RFX7: variants seen among roughly 807,000 people sequenced by gnomAD.
RFX7 encodes the protein DNA-binding protein RFX7.
RFX7 carries 26 observed loss-of-function variants against 111.8 expected under a neutral mutation model. The observed-to-expected ratio is 0.23, with a 90% CI of 0.17 to 0.32. The LOEUF (loss-of-function observed/expected upper bound fraction) is 0.32. Ranked by LOEUF, RFX7 falls within the 10% of genes least tolerant of loss-of-function variation. RFX7 has a pLI of 1.00. For missense variants in RFX7, 1,573 were observed against 1,772.9 expected (o/e 0.89, Z 2.02); for synonymous variants, 624 against 624.4 (o/e 1.00, Z 0.01).
intron 2 of RFX7, among the ~76,000 whole-genome samples, chr15:56,224,301 AAAGT>A (rs1197178004): frequency 4.6e-5 from 7 of 152,186 alleles, no homozygotes; most frequent in Admixed American, 2.0e-4. Context: ...AAGCAATTTT[AAAGT>A]AAGTATTTTT....
At chr15:56,167,649 TAAC>T (rs1162572951) in intron 3 of RFX7, among the ~76,000 whole-genome samples, 1 of 152,174 alleles carries the variant, frequency 6.6e-6, no homozygotes, top group Non-Finnish European at 1.5e-5. Flanking sequence ...ACTAAAACAT[TAAC>T]AAAAAAATCT....
At position 56,224,467 on chromosome 15, in the gene RFX7, T is replaced by TTGTGTGTGTGTGTGTGTGTG. The variant is rs58795247; in HGVS notation, c.161+18638_161+18657dup. Among the ~76,000 whole-genome samples, 1,241 of 147,286 alleles carry TTGTGTGTGTGTGTGTGTGTG rather than the reference T, an allele frequency of 8.4e-3. 26 individuals carry two copies. The highest frequency in any genetic ancestry group is 0.084 in the East Asian group (413 of 4,938). On this transcript the variant is annotated intron_variant, in intron 2 of 9. Coordinates refer to ENST00000559447, the MANE Select transcript of RFX7 (RefSeq NM_022841.7). ...ACTCTCTTTTGCCAAGATTAGGATT[T>TTGTGTGTGTGTGTGTGTGTG]TGTGTGTGTGTGTGTGTGTGTGTGT...
intron 3 of RFX7, among the ~76,000 whole-genome samples, chr15:56,177,416 C>CA (rs1250090853): frequency 6.6e-6 from 1 of 152,070 alleles, no homozygotes; most frequent in Non-Finnish European, 1.5e-5. Flanking sequence ...CTACCTCACC[C>CA]AATAAAATAA....
chr15:56,229,792 G>A (rs1456502646), intron 2 of RFX7, among the ~76,000 whole-genome samples: 2 of 152,120 alleles, frequency 1.3e-5, no homozygotes, highest in African/African-American at 4.8e-5. Context: ...CAATTTTAAA[G>A]CTGAAAGGGT....
chr15:56,134,667 G>C (rs1383812953), intron 5 of RFX7, among the ~76,000 whole-genome samples: 1 of 122,514 alleles, frequency 8.2e-6, no homozygotes, highest in Non-Finnish European at 1.6e-5. Context: ...TGTGCACATT[G>C]TGCAGGTTAC....
chr15:56,098,301 G>A lies in RFX7; in HGVS notation c.887C>T (p.Thr296Ile). 6.2e-7 allele frequency: 1 copy of A among 1,613,750 alleles called. No homozygotes were observed. Residue 296 changes from threonine (T) to isoleucine (I), a missense_variant, in exon 9 of 10, where the codon ACT (threonine) becomes ATT (isoleucine). Thr to Ile is a moderately conservative substitution (Grantham distance 89). This residue lies in a region of RFX7 where 288 missense variants were observed against 337.9 expected (regional missense o/e 0.85). Coordinates refer to ENST00000559447, the MANE Select transcript of RFX7 (RefSeq NM_022841.7). The stretch of plus-strand genomic sequence containing the variant: ...TTTAGCATCAATTGGAGATGGCAAA[G>A]TCTTCACCTGAGGCTGAAAGGAATT... ...ESNSFQPQVK[T>I]LPSPIDAKQQ...
intron 3 of RFX7, among the ~76,000 whole-genome samples, chr15:56,174,346 T>C (rs1214642030): frequency 2.6e-5 from 4 of 152,164 alleles, no homozygotes; most frequent in Admixed American, 6.5e-5. Context: ...GAAAATTTAT[T>C]AGATGGGATT....
At chr15:56,118,667 T>C (rs985055949) in intron 5 of RFX7, among the ~76,000 whole-genome samples, 2 of 152,224 alleles carry the variant, frequency 1.3e-5, no homozygotes, top group African/African-American at 2.4e-5. Flanking sequence ...GGAGTGCAGA[T>C]ATCTCTTTGA....
intron 2 of RFX7, among the ~76,000 whole-genome samples, chr15:56,240,106 CTTTT>C (rs71441432): frequency 1.4e-5 from 2 of 137,956 alleles, no homozygotes; most frequent in Non-Finnish European, 1.5e-5. Context: ...TACTAGTTTT[CTTTT>C]TTTTTTTTTA....
chr15:56,207,661 A>G (rs7171643), intron 2 of RFX7, among the ~76,000 whole-genome samples: 5,578 of 152,242 alleles, frequency 0.037, 361 homozygotes, highest in African/African-American at 0.12. Flanking sequence ...AAAACTGATA[A>G]ATTGGACTTG....
Position 56,101,551 on chromosome 15 carries a change from G to T in RFX7, c.619C>A (p.Pro207Thr). ...TCAATATTTTGAAGCTGCCCAGAAG[G>T]TTCAGCTCCTTCCAACTAGGCAAAG... ...KTGDGLEGAE[P>T]SGQLQNIDEE... The change falls in exon 8 of 10, where the codon CCT (proline) becomes ACT (threonine). Residue 207 changes from proline to threonine, a missense_variant. Pro to Thr is a conservative substitution (Grantham distance 38). Transcript: ENST00000559447. 6.2e-7 allele frequency: 1 copy of T among 1,613,576 alleles called. No individual in the cohort carries two copies. The highest frequency in any genetic ancestry group is 2.2e-5 in the East Asian group (1 of 44,874).
chr15:56,122,298 G>T (rs2042089063), intron 5 of RFX7, among the ~76,000 whole-genome samples: 1 of 152,126 alleles, frequency 6.6e-6, no homozygotes, highest in Non-Finnish European at 1.5e-5. Flanking sequence ...CACCTTGATG[G>T]TGTTGGATAA....
At chr15:56,244,605 A>G (rs2043797549), upstream of RFX7, among the ~76,000 whole-genome samples, 1 of 120,140 alleles carries the variant, frequency 8.3e-6, no homozygotes, top group Admixed American at 9.4e-5. Flanking sequence ...CTTTCCAGGA[A>G]TGCCCTCCCT....
chr15:56,103,423 A>G (rs1445041480), intron 6 of RFX7, 131 bp downstream of exon 6: 1 of 595,840 alleles, frequency 1.7e-6, no homozygotes, highest in African/African-American at 1.9e-5. Flanking sequence ...CAATTATTCT[A>G]CTTAAGCTTT....
Position 56,166,999 on chromosome 15 carries a change from T to C in RFX7, c.195+12271A>G, listed in dbSNP as rs376794899. On this transcript the variant is annotated intron_variant, in intron 3 of 9. Transcript: ENST00000559447. ...CTGGATTACTATTTCCCATCCTCCTTTGGTTGACTCTCAGCAGACTAGGCC... is the reference window on the plus strand; with the variant it reads ...CTGGATTACTATTTCCCATCCTCCTCTGGTTGACTCTCAGCAGACTAGGCC... Among the ~76,000 whole-genome samples, 8 of 152,274 alleles carry C rather than the reference T, an allele frequency of 5.3e-5. No individual in the cohort carries two copies. The South Asian group carries it at 1.2e-3, about 24-fold the overall frequency.
intron 2 of RFX7, among the ~76,000 whole-genome samples, chr15:56,214,714 C>CA (rs527416979): frequency 0.032 from 2,743 of 86,684 alleles, 84 homozygotes; most frequent in African/African-American, 0.1. Context: ...GACTCTGTCT[C>CA]AAAAAAAAAA....
chr15:56,176,069 C>A (rs1476543541), intron 3 of RFX7, among the ~76,000 whole-genome samples: 1 of 152,030 alleles, frequency 6.6e-6, no homozygotes, highest in South Asian at 2.1e-4. Flanking sequence ...TGTGTTTAAA[C>A]ACGCAAAGAA....
chr15:56,232,964 A>T (rs1024582293), intron 2 of RFX7, among the ~76,000 whole-genome samples: 1 of 152,180 alleles, frequency 6.6e-6, no homozygotes, highest in Non-Finnish European at 1.5e-5. Flanking sequence ...AAACTTTCTC[A>T]CATTTTCCTA....
intron 6 of RFX7, among the ~76,000 whole-genome samples, 159 bp from the exon 7 acceptor site, chr15:56,102,412 T>A (rs1310070218): frequency 6.6e-6 from 1 of 152,210 alleles, no homozygotes; most frequent in Non-Finnish European, 1.5e-5. Context: ...TATTAAAAAC[T>A]TGGGACACTT....
Sources: allele counts gnomAD v4.1 joint callset (sites outside exome capture counted in the v4.1 genomes callset), GRCh38; gene constraint gnomAD v4.1.1; regional missense constraint gnomAD v4.1.1; transcripts MANE v1.5; gene names NCBI Gene and HGNC (gene_info 2026-07-23, HGNC 2026-07-21).